Variants in NOS1AP observed in about 807,000 individuals in gnomAD.
NOS1AP encodes the protein nitric oxide synthase 1 adaptor protein, also known as carboxyl-terminal PDZ ligand of neuronal nitric oxide synthase protein.
A neutral mutation model predicts 56.2 loss-of-function variants in NOS1AP; 21 were observed. The observed-to-expected ratio is 0.37, with a 90% CI of 0.26 to 0.54. NOS1AP has a LOEUF of 0.54. Ranked by LOEUF, NOS1AP falls within the 20% of genes least tolerant of loss-of-function variation. NOS1AP has a pLI of 0.84. For synonymous variants in NOS1AP, 270 were observed against 274.6 expected (o/e 0.98, Z 0.17); for missense variants, 522 against 657.8 (o/e 0.79, Z 2.26).
intron 2 of NOS1AP, among the ~76,000 whole-genome samples, chr1:162,160,559 G>A (rs945351261): frequency 3.9e-5 from 6 of 152,044 alleles, no homozygotes; most frequent in South Asian, 4.1e-4. Context: ...AGTACGCTTC[G>A]GCACGTGGTC....
chr1:162,180,267 CAG>C (rs1421337554), intron 2 of NOS1AP, among the ~76,000 whole-genome samples: 1 of 151,938 alleles, frequency 6.6e-6, no homozygotes, highest in African/African-American at 2.4e-5. Context: ...TTTTTTGAGA[CAG>C]AGTGTCGCTC....
At chr1:162,148,207 C>T (rs1649562910) in intron 1 of NOS1AP, among the ~76,000 whole-genome samples, 1 of 152,214 alleles carries the variant, frequency 6.6e-6, no homozygotes, top group Admixed American at 6.5e-5. Context: ...GGATGCTCCT[C>T]AGAGGAGAGA....
chr1:162,291,696 G>A (rs1213094716), intron 3 of NOS1AP, among the ~76,000 whole-genome samples: 5 of 152,156 alleles, frequency 3.3e-5, no homozygotes, highest in African/African-American at 1.2e-4. Context: ...ATCTAAAAAT[G>A]CTGTCATCTT....
At chr1:162,252,147 A>G (rs1190881141) in intron 2 of NOS1AP, among the ~76,000 whole-genome samples, 1 of 151,960 alleles carries the variant, frequency 6.6e-6, no homozygotes, top group Non-Finnish European at 1.5e-5. Flanking sequence ...CACAGGTCCA[A>G]ATGATCTTCC....
intron 2 of NOS1AP, among the ~76,000 whole-genome samples, chr1:162,265,322 C>T (rs1039098169): frequency 5.3e-5 from 8 of 151,374 alleles, no homozygotes; most frequent in African/African-American, 9.7e-5. Context: ...TGGTGTGCTG[C>T]ACCCATTAAC....
intron 2 of NOS1AP, among the ~76,000 whole-genome samples, chr1:162,237,301 C>T (rs914723319): frequency 6.6e-6 from 1 of 152,184 alleles, no homozygotes; most frequent in African/African-American, 2.4e-5. Context: ...CAGTAAAGCC[C>T]TTGTTAAGCC....
intron 2 of NOS1AP, among the ~76,000 whole-genome samples, chr1:162,172,836 C>T (rs1227754211): frequency 1.3e-5 from 2 of 152,090 alleles, no homozygotes; most frequent in Non-Finnish European, 1.5e-5. Context: ...GAGACTGAGC[C>T]TTGAGATTCT....
intron 1 of NOS1AP, among the ~76,000 whole-genome samples, chr1:162,109,624 T>C (rs79321913): frequency 0.051 from 7,748 of 152,202 alleles, 291 homozygotes; most frequent in East Asian, 0.18. Context: ...TGGTAAAACA[T>C]TAAATGAAAA....
chr1:162,137,844 A>G (rs1002997496), intron 1 of NOS1AP, among the ~76,000 whole-genome samples: 6 of 152,054 alleles, frequency 3.9e-5, no homozygotes, highest in African/African-American at 9.7e-5. Context: ...TCCTTCCTAC[A>G]TAGCCACTTA....
chr1:162,072,658 C>A (rs1178527340), intron 1 of NOS1AP, among the ~76,000 whole-genome samples: 2 of 152,216 alleles, frequency 1.3e-5, no homozygotes, highest in Non-Finnish European at 2.9e-5. Context: ...CAGGTCCTAA[C>A]TCCCAGATCT....
At chr1:162,342,604 T>A (rs1474985122) in intron 5 of NOS1AP, 3 of 496,936 alleles carry the variant, frequency 6.0e-6, no homozygotes. Flanking sequence ...CATTTCATAT[T>A]ACCATTAGCT....
chr1:162,106,893 C>A (rs1245468299), intron 1 of NOS1AP, among the ~76,000 whole-genome samples: 1 of 152,140 alleles, frequency 6.6e-6, no homozygotes, highest in Admixed American at 6.5e-5. Context: ...GACAAAATTC[C>A]TAGAATCCTC....
chr1:162,338,615 A>G (rs1388665732), intron 5 of NOS1AP: 1 of 152,252 alleles, frequency 6.6e-6, no homozygotes, highest in Non-Finnish European at 1.5e-5. Flanking sequence ...CAAAGTCGTT[A>G]AGAAAGAGAA....
intron 2 of NOS1AP, among the ~76,000 whole-genome samples, chr1:162,246,118 G>A (rs1653653777): frequency 6.6e-6 from 1 of 152,198 alleles, no homozygotes; most frequent in African/African-American, 2.4e-5. Flanking sequence ...AGGGTAGAGT[G>A]ATCAACTCCT....
intron 4 of NOS1AP, among the ~76,000 whole-genome samples, chr1:162,321,121 A>C (rs1223903050): frequency 6.6e-6 from 1 of 152,180 alleles, no homozygotes; most frequent in Non-Finnish European, 1.5e-5. Context: ...GGTGTAAGGA[A>C]GGGATCCAGT....
At chr1:162,323,667 A>G (rs1656488160) in intron 4 of NOS1AP, among the ~76,000 whole-genome samples, 1 of 152,222 alleles carries the variant, frequency 6.6e-6, no homozygotes, top group South Asian at 2.1e-4. Context: ...TTTTTGAGCA[A>G]CTACTATGCG....
intron 8 of NOS1AP, 64 bp from the exon 9 acceptor site, chr1:162,365,340 A>C: frequency 6.2e-7 from 1 of 1,610,752 alleles, no homozygotes; most frequent in Non-Finnish European, 8.5e-7. Context: ...AGTGACTCTC[A>C]TGTGCATTCA....
At chr1:162,249,817 T>G (rs1321088213) in intron 2 of NOS1AP, among the ~76,000 whole-genome samples, 7 of 152,192 alleles carry the variant, frequency 4.6e-5, no homozygotes, top group Admixed American at 4.6e-4. Context: ...CATGATCTAC[T>G]CTGAAGGAGA....
At chr1:162,355,445 T>G (rs770523681) in intron 7 of NOS1AP, 92 bp downstream of exon 7, 33 of 1,502,348 alleles carry the variant, frequency 2.2e-5, no homozygotes, top group Non-Finnish European at 2.9e-5. Context: ...AGCTTCCGAG[T>G]GAGGCACTCC....
Sources: allele counts gnomAD v4.1 joint callset (sites outside exome capture counted in the v4.1 genomes callset), GRCh38; gene constraint gnomAD v4.1.1; transcripts MANE v1.5; gene names NCBI Gene and HGNC (gene_info 2026-07-23, HGNC 2026-07-21).